CEP164: variants seen among roughly 807,000 people sequenced by gnomAD.
The protein encoded by CEP164 is centrosomal protein of 164 kDa.
Under a neutral mutation model 182.7 loss-of-function variants are expected in CEP164, and 162 were observed. The observed-to-expected ratio is 0.89, with a 90% CI of 0.78 to 1.01. CEP164 has a LOEUF of 1.01. CEP164 is among the 50% of genes least tolerant of loss of function. CEP164 has a pLI of 0.00. For missense variants in CEP164, 1,735 were observed against 1,790.4 expected (o/e 0.97, Z 0.56); for synonymous variants, 661 against 690.0 (o/e 0.96, Z 0.66).
rs143659874 is a variant in CEP164, at chr11:117,351,975, C to A, written c.380C>A (p.Pro127His). 7,671 of 1,581,118 alleles carry A rather than the reference C, an allele frequency of 4.9e-3. 30 individuals are homozygous for A. The highest frequency in any genetic ancestry group is 6.0e-3 in the Non-Finnish European group (6,989 of 1,163,252). Residue 127 changes from proline (P) to histidine (H), a missense_variant, in exon 5 of 33, where the codon CCC becomes CAC. By Grantham distance (77) the Pro-to-His change is moderately conservative. Coordinates refer to ENST00000278935, the MANE Select transcript of CEP164 (RefSeq NM_014956.5). ...AAAGACAAGAAGGACAGAGACCCCC[C>A]CAAAAGTTCGCTGGTGAGTCAGTGG... Reference protein sequence around the residue: ...EKKDKKDRDPPKSSLALGSSL... With the variant: ...EKKDKKDRDPHKSSLALGSSL...
intron 4 of CEP164, among the ~76,000 whole-genome samples, chr11:117,349,757 C>A (rs2039385554): frequency 6.6e-6 from 1 of 152,102 alleles, no homozygotes; most frequent in South Asian, 2.1e-4. Flanking sequence ...ATGCTATTTA[C>A]CAAAGTGGCA....
chr11:117,351,969 AC>A lies in CEP164; in HGVS notation c.381del (p.Ser129ValfsTer9). On this transcript the variant is annotated frameshift_variant, in exon 5 of 33. Coordinates refer to ENST00000278935, the MANE Select transcript of CEP164 (RefSeq NM_014956.5). LOFTEE classifies it high-confidence loss of function. ...KKEKKDKKDRDPPKSSLALGS... is the reference protein window; with the variant it reads ...KKEKKDKKDRXPPKSSLALGS... Reference sequence around the variant, plus strand: ...GAAAAGAAAGACAAGAAGGACAGAGACCCCCCCAAAAGTTCGCTGGTGAGTC... The same window carrying A: ...GAAAAGAAAGACAAGAAGGACAGAGACCCCCCAAAAGTTCGCTGGTGAGTC... The A allele has an allele frequency of 1.3e-6, 2 of 1,585,884 alleles. No homozygotes were observed. Among genetic ancestry groups the A allele is most frequent in the Non-Finnish European group, 1.7e-6 (2 of 1,166,306 alleles).
At chr11:117,392,930 C>T (rs2044869970) in intron 19 of CEP164, 74 bp from the exon 20 acceptor site, 1 of 1,595,714 alleles carries the variant, frequency 6.3e-7, no homozygotes. Context: ...TGTGTAAGAC[C>T]TTCAGGTGCA....
rs766076453 is a variant in CEP164, at chr11:117,411,232, G to T, written c.4163+338G>T. On this transcript the variant is annotated intron_variant, in intron 31 of 32. Coordinates refer to ENST00000278935, the MANE Select transcript of CEP164 (RefSeq NM_014956.5). This position sits in a 1 kb window ranked among gnomAD's most constrained non-coding sequence, Gnocchi z 4.4. The stretch of plus-strand genomic sequence containing the variant: ...CCCTCCCTCTAGCCCCTCCAGCCCC[G>T]GAGTCTGGCCTTTGTCTTTGCCCTT... The T allele has an allele frequency of 6.5e-6, 2 of 306,974 alleles. No homozygotes were observed. The highest frequency in any genetic ancestry group is 1.2e-5 in the Non-Finnish European group (2 of 161,660). 19.0% of individuals were successfully genotyped at this position (306,974 alleles called of 1,614,324 possible).
upstream of CEP164, chr11:117,327,715 CG>C (rs1294499980): frequency 6.6e-6 from 1 of 152,190 alleles, no homozygotes; most frequent in African/African-American, 2.4e-5. Context: ...CATCGTGCAA[CG>C]GAAAACGGAC....
At chr11:117,387,866 C>T (rs933841105) in intron 15 of CEP164, among the ~76,000 whole-genome samples, 1 of 152,182 alleles carries the variant, frequency 6.6e-6, no homozygotes, top group African/African-American at 2.4e-5. Context: ...ATATATAAAA[C>T]ATTTATGCTT....
At position 117,411,170 on chromosome 11, in the gene CEP164, G is replaced by C. The variant is rs1013421164; in HGVS notation, c.4163+276G>C. 2 of 418,306 alleles carry C rather than the reference G, an allele frequency of 4.8e-6. No homozygotes were observed. Among genetic ancestry groups the C allele is most frequent in the Non-Finnish European group, 8.9e-6 (2 of 225,442 alleles). 25.9% of individuals were successfully genotyped at this position (418,306 alleles called of 1,614,324 possible). The stretch of plus-strand genomic sequence containing the variant: ...GAGGAAGCTGCCCTCTGGCCCCTGT[G>C]GGGAGGAGTCAGCCCCTGGTGGGAC... On this transcript the variant is annotated intron_variant, in intron 31 of 32. Coordinates refer to ENST00000278935, the MANE Select transcript of CEP164 (RefSeq NM_014956.5). The surrounding 1 kb of genome is among the most constrained non-coding windows in gnomAD (Gnocchi z 4.4).
Position 117,409,800 on chromosome 11 carries a change from A to G in CEP164, c.3931A>G (p.Thr1311Ala). The G allele has an allele frequency of 5.3e-6, 3 of 565,918 alleles. No individual in the cohort carries two copies. Among genetic ancestry groups the G allele is most frequent in the South Asian group, 2.3e-5 (1 of 44,136 alleles). The allele number at this position is 565,918 out of a possible 1,614,324, so 35.1% of individuals were successfully genotyped here. ...LPPRDPKSTP[T>A]PTYYGSLARF... ...TCCCCGGGACCCTAAGAGCACCCCCACCCCCACCTACTATGGCTCCCTGGC... is the reference window on the plus strand; with the variant it reads ...TCCCCGGGACCCTAAGAGCACCCCCGCCCCCACCTACTATGGCTCCCTGGC... Residue 1311 changes from threonine to alanine, a missense_variant, in exon 30 of 33, where the codon ACC (threonine) becomes GCC (alanine). Transcript: ENST00000278935. The surrounding 1 kb of genome is among the most constrained non-coding windows in gnomAD (Gnocchi z 4.4).
intron 3 of CEP164, among the ~76,000 whole-genome samples, chr11:117,341,444 T>G (rs1393093626): frequency 6.6e-6 from 1 of 151,140 alleles, no homozygotes; most frequent in Non-Finnish European, 1.5e-5. Context: ...TTTTTTGTTG[T>G]TTGTTTGTTT....
At position 117,372,565 on chromosome 11, in the gene CEP164, G is replaced by A. The variant is rs1026858164; in HGVS notation, c.1152+1099G>A. ...TGAGTAGCTGGGATTACAGGCATGCGCCACCACACCCAGCTAATTTTTTGT... is the reference window on the plus strand; with the variant it reads ...TGAGTAGCTGGGATTACAGGCATGCACCACCACACCCAGCTAATTTTTTGT... On this transcript the variant is annotated intron_variant, in intron 9 of 32. Coordinates refer to ENST00000278935, the MANE Select transcript of CEP164 (RefSeq NM_014956.5). 4.6e-5 allele frequency among the ~76,000 whole-genome samples: 7 copies of A among 151,988 alleles called. No individual in the cohort carries two copies. In the South Asian group the frequency reaches 6.2e-4, roughly 13 times the overall value.
At chr11:117,359,536 T>C (rs2040698309) in intron 5 of CEP164, 1 of 985,318 alleles carries the variant, frequency 1.0e-6, no homozygotes, top group African/African-American at 1.7e-5. Context: ...CACCCACCGG[T>C]CTGGCCCCTA....
chr11:117,364,555 T>C (rs2041399648), intron 8 of CEP164, among the ~76,000 whole-genome samples: 3 of 149,834 alleles, frequency 2.0e-5, no homozygotes, highest in South Asian at 2.1e-4. Context: ...AGTCTAGCCA[T>C]TGGACAGGGC....
At chr11:117,375,475 T>A (rs2042643882) in intron 10 of CEP164, among the ~76,000 whole-genome samples, 1 of 152,252 alleles carries the variant, frequency 6.6e-6, no homozygotes, top group Non-Finnish European at 1.5e-5. Flanking sequence ...AATACCCACA[T>A]ACTCACCATC....
chr11:117,368,972 G>A (rs1225330898), intron 8 of CEP164, among the ~76,000 whole-genome samples: 1 of 152,198 alleles, frequency 6.6e-6, no homozygotes, highest in Non-Finnish European at 1.5e-5. Flanking sequence ...GGACAGGGTT[G>A]GGCCTGATGA....
chr11:117,382,660 C>A, intron 13 of CEP164, 136 bp from the exon 14 acceptor site: 1 of 1,032,032 alleles, frequency 9.7e-7, no homozygotes, highest in Non-Finnish European at 1.4e-6. Flanking sequence ...AGAGGGAGGT[C>A]TAAGACCCGA....
chr11:117,362,064 T>C, intron 6 of CEP164, 71 bp downstream of exon 6: 4 of 1,397,694 alleles, frequency 2.9e-6, no homozygotes, highest in Non-Finnish European at 3.9e-6. Flanking sequence ...CCAGGAACTA[T>C]GGCCTAGGGG....
chr11:117,369,976 G>A (rs1446671546), intron 8 of CEP164, among the ~76,000 whole-genome samples: 1 of 152,216 alleles, frequency 6.6e-6, no homozygotes, highest in Non-Finnish European at 1.5e-5. Context: ...CTGCTTCATG[G>A]AAGTGTTTCC....
chr11:117,396,654 G>C, intron 26 of CEP164, 43 bp downstream of exon 26: 1 of 1,477,916 alleles, frequency 6.8e-7, no homozygotes, highest in South Asian at 1.1e-5. Flanking sequence ...AGGGTACCAT[G>C]AAGGGGTAAG....
At chr11:117,392,750 TTC>T in intron 19 of CEP164, 123 bp downstream of exon 19, 1 of 1,391,854 alleles carries the variant, frequency 7.2e-7, no homozygotes. Context: ...GGGTTAGCAT[TTC>T]TAGTTCCCTT....
Sources: allele counts gnomAD v4.1 joint callset (sites outside exome capture counted in the v4.1 genomes callset), GRCh38; gene constraint gnomAD v4.1.1; non-coding constraint Gnocchi (gnomAD v3.1); transcripts MANE v1.5; gene names NCBI Gene and HGNC (gene_info 2026-07-23, HGNC 2026-07-21).